RYR2: variants seen among roughly 807,000 people sequenced by gnomAD.
RYR2 encodes the protein ryanodine receptor 2, also known as cardiac muscle ryanodine receptor-calcium release channel.
A neutral mutation model predicts 601.1 loss-of-function variants in RYR2; 227 were observed. The ratio of observed to expected loss-of-function variants is 0.38; its 90% confidence interval spans 0.34 to 0.42. The LOEUF (loss-of-function observed/expected upper bound fraction) is 0.42. Among genes scored for constraint, RYR2 ranks in the 10% least tolerant of loss-of-function variants. The pLI is 1.00. For missense variants in RYR2, 4,646 were observed against 6,156.5 expected (o/e 0.75, Z 8.21); for synonymous variants, 2,223 against 2,175.1 (o/e 1.02, Z -0.61).
At chr1:237,461,855 T>C (rs1276723904) in intron 16 of RYR2, among the ~76,000 whole-genome samples, 1 of 152,080 alleles carries the variant, frequency 6.6e-6, no homozygotes, top group Non-Finnish European at 1.5e-5. Flanking sequence ...TTTTAATGTT[T>C]TTGAGTTCTT....
chr1:237,514,338 C>G (rs1213750359), intron 24 of RYR2, among the ~76,000 whole-genome samples: 1 of 152,130 alleles, frequency 6.6e-6, no homozygotes, highest in African/African-American at 2.4e-5. Context: ...TACATGTAAT[C>G]CAGTGTCATA....
At position 237,831,175 on chromosome 1, in the gene RYR2, G is replaced by GA. The variant is rs201488865; in HGVS notation, c.14757-331dup. Among the ~76,000 whole-genome samples, 1,197 of 151,918 alleles carry GA rather than the reference G, an allele frequency of 7.9e-3. 14 individuals carry two copies. The highest frequency in any genetic ancestry group is 0.011 in the Non-Finnish European group (754 of 67,942). ...AAGAGATGCCGAGTAGCATTATAGG[G>GA]AAAAAAAATTGGCTTAACTATACTC... On this transcript the variant is annotated intron_variant, in intron 103 of 104. Transcript: ENST00000366574.
At chr1:237,207,313 C>T (rs749280024) in intron 1 of RYR2, among the ~76,000 whole-genome samples, 1 of 152,166 alleles carries the variant, frequency 6.6e-6, no homozygotes, top group Non-Finnish European at 1.5e-5. Context: ...CGCCTATAAT[C>T]CCAGCACTTT....
At chr1:237,759,072 T>C (rs1014834092) in intron 82 of RYR2, among the ~76,000 whole-genome samples, 7 of 152,264 alleles carry the variant, frequency 4.6e-5, no homozygotes, top group African/African-American at 7.2e-5. Flanking sequence ...AACTCTCAGA[T>C]TGTAATGCTG....
At chr1:237,800,413 T>A (rs1659826343) in intron 97 of RYR2, among the ~76,000 whole-genome samples, 1 of 151,958 alleles carries the variant, frequency 6.6e-6, no homozygotes, top group African/African-American at 2.4e-5. Flanking sequence ...GATAACTTTA[T>A]TTAAGGAAAA....
At chr1:237,627,701 A>C in intron 40 of RYR2, 106 bp from the exon 41 acceptor site, 3 of 1,181,802 alleles carry the variant, frequency 2.5e-6, no homozygotes, top group Non-Finnish European at 3.5e-6. Flanking sequence ...CAAGCCTGGT[A>C]CAAATAGAAA....
chr1:237,193,233 A>G (rs1444682655), intron 1 of RYR2, among the ~76,000 whole-genome samples: 6 of 149,530 alleles, frequency 4.0e-5, no homozygotes, highest in African/African-American at 1.5e-4. Flanking sequence ...TGGGAGGCCG[A>G]GGTGGGTGGA....
chr1:237,351,543 A>G (rs1698840810), intron 3 of RYR2, among the ~76,000 whole-genome samples: 1 of 152,066 alleles, frequency 6.6e-6, no homozygotes, highest in Non-Finnish European at 1.5e-5. Flanking sequence ...AAAGATAATA[A>G]GAGAATACTG....
chr1:237,083,596 G>A (rs1364516476), intron 1 of RYR2, among the ~76,000 whole-genome samples: 1 of 152,120 alleles, frequency 6.6e-6, no homozygotes, highest in Non-Finnish European at 1.5e-5. Flanking sequence ...GTATGTCTGT[G>A]TCTTTCTGGG....
intron 29 of RYR2, 35 bp downstream of exon 29, chr1:237,569,354 T>C: frequency 6.3e-7 from 1 of 1,595,128 alleles, no homozygotes; most frequent in Non-Finnish European, 8.6e-7. Context: ...TTTTTAAGTT[T>C]GCAGCACAAG....
At chr1:237,265,983 T>C (rs1558522972) in intron 1 of RYR2, among the ~76,000 whole-genome samples, 1 of 152,218 alleles carries the variant, frequency 6.6e-6, no homozygotes, top group Non-Finnish European at 1.5e-5. Flanking sequence ...AGAATTTGTA[T>C]AAAGAAAGAT....
intron 2 of RYR2, among the ~76,000 whole-genome samples, chr1:237,307,198 T>G (rs115883000): frequency 1.3e-5 from 2 of 152,196 alleles, no homozygotes; most frequent in African/African-American, 4.8e-5. Flanking sequence ...GCTAAGGCAT[T>G]GCACATACGT....
intron 10 of RYR2, among the ~76,000 whole-genome samples, chr1:237,411,054 A>C (rs1704406653): frequency 6.6e-6 from 1 of 152,158 alleles, no homozygotes; most frequent in South Asian, 2.1e-4. Context: ...TAAGCCAGGC[A>C]CAGAAAGACA....
chr1:237,518,281 A>C (rs1487843231), intron 24 of RYR2, among the ~76,000 whole-genome samples: 1 of 152,024 alleles, frequency 6.6e-6, no homozygotes, highest in Admixed American at 6.6e-5. Context: ...AAAATTGTAC[A>C]AATTTACAGG....
At chr1:237,543,359 C>A (rs999705113) in intron 25 of RYR2, among the ~76,000 whole-genome samples, 1 of 152,124 alleles carries the variant, frequency 6.6e-6, no homozygotes, top group Admixed American at 6.5e-5. Flanking sequence ...AGAAATATAA[C>A]CCTTGTTTTC....
At chr1:237,618,190 T>A (rs1322834793) in intron 38 of RYR2, among the ~76,000 whole-genome samples, 2 of 152,168 alleles carry the variant, frequency 1.3e-5, no homozygotes, top group Non-Finnish European at 2.9e-5. Context: ...TACAGAATTT[T>A]TTTTTTTCTC....
chr1:237,810,418 A>G (rs1328547399), intron 100 of RYR2, among the ~76,000 whole-genome samples: 1 of 152,210 alleles, frequency 6.6e-6, no homozygotes, highest in Non-Finnish European at 1.5e-5. Context: ...AAACAATGAA[A>G]AAAACACTTT....
chr1:237,314,143 C>T (rs1218271013), intron 2 of RYR2, among the ~76,000 whole-genome samples: 1 of 145,064 alleles, frequency 6.9e-6, no homozygotes, highest in Non-Finnish European at 1.5e-5. Context: ...CAGCTCACTG[C>T]AAGCTCCACC....
At position 237,196,518 on chromosome 1, in the gene RYR2, G is replaced by A. The variant is rs530704698; in HGVS notation, c.49-73979G>A. Among the ~76,000 whole-genome samples, 119 of 152,146 alleles carry A rather than the reference G, an allele frequency of 7.8e-4. 1 individual carries two copies. Among genetic ancestry groups the A allele is most frequent in the African/African-American group, 2.7e-3 (111 of 41,522 alleles). ...ACTCCACTTAGAATTTATTTGGGGA[G>A]TTAGCTTCATTTTTTCCATATTGAT... On this transcript the variant is annotated intron_variant, in intron 1 of 104. Transcript: ENST00000366574.
Sources: allele counts gnomAD v4.1 joint callset (sites outside exome capture counted in the v4.1 genomes callset), GRCh38; gene constraint gnomAD v4.1.1; transcripts MANE v1.5; gene names NCBI Gene and HGNC (gene_info 2026-07-23, HGNC 2026-07-21).